Variants in PGGT1B observed in about 807,000 individuals in gnomAD.
PGGT1B encodes the protein geranylgeranyl transferase type-1 subunit beta.
Under a neutral mutation model 46.1 loss-of-function variants are expected in PGGT1B, and 30 were observed. The ratio of observed to expected loss-of-function variants is 0.65; its 90% CI spans 0.49 to 0.88. The LOEUF (loss-of-function observed/expected upper bound fraction) is 0.88. Ranked by LOEUF, PGGT1B falls within the 40% of genes least tolerant of loss-of-function variation. PGGT1B has a pLI of 0.00. For missense variants in PGGT1B, 376 were observed against 455.9 expected, an observed-to-expected ratio of 0.82 and a Z score of 1.60; for synonymous variants, 170 against 160.0, an observed-to-expected ratio of 1.06 and a Z score of -0.47.
intron 5 of PGGT1B, among the ~76,000 whole-genome samples, chr5:115,232,089 G>C (rs1021206454): frequency 3.9e-5 from 6 of 151,942 alleles, no homozygotes; most frequent in Non-Finnish European, 8.8e-5. Context: ...ACAGAAAGAG[G>C]GGCTTGGCCA....
chr5:115,235,742 T>A (rs1378309066), intron 5 of PGGT1B, among the ~76,000 whole-genome samples: 1 of 152,112 alleles, frequency 6.6e-6, no homozygotes, highest in East Asian at 1.9e-4. Flanking sequence ...AAAAATATGA[T>A]CCACTGTTAC....
chr5:115,213,537 G>A (rs1756309093), intron 8 of PGGT1B, among the ~76,000 whole-genome samples: 1 of 152,152 alleles, frequency 6.6e-6, no homozygotes, highest in East Asian at 1.9e-4. Flanking sequence ...TTGGGAGGCC[G>A]AGAAGGGCAT....
chr5:115,211,757 T>C lies in PGGT1B; in HGVS notation c.*645A>G, dbSNP rs1756236175. The C allele has an allele frequency of 6.6e-6, 1 of 152,214 alleles. No individual in the cohort carries two copies. Among genetic ancestry groups the C allele is most frequent in the African/African-American group, 2.4e-5 (1 of 41,452 alleles). 9.4% of individuals were successfully genotyped at this position (152,214 alleles called of 1,614,324 possible). A position where few individuals can be genotyped will look rare whatever the true frequency, so the allele number is the denominator to read the frequency against. On this transcript the variant is annotated 3_prime_UTR_variant, in exon 9 of 9. Transcript: ENST00000419445. ...TTAAGTTGCTTTTCCCTCAGTTACA[T>C]AATAGTTGTCTTCAAACAATCTCCT...
At chr5:115,243,584 G>A (rs1757416291) in intron 2 of PGGT1B, among the ~76,000 whole-genome samples, 1 of 152,194 alleles carries the variant, frequency 6.6e-6, no homozygotes, top group African/African-American at 2.4e-5. Context: ...ATTAGTCACT[G>A]TTGCCATAAC....
rs1022709745 is a variant in PGGT1B at position 115,206,418 on chromosome 5, A to ATAAT, written c.*5980_*5983dup. Reference sequence around the variant, plus strand: ...ATTTTTTAAAATTGTAAATATCTGAATAATTAAGCACCAGTAATCTCAATA... The same window carrying ATAAT: ...ATTTTTTAAAATTGTAAATATCTGAATAATTAATTAAGCACCAGTAATCTCAATA... On this transcript the variant is annotated 3_prime_UTR_variant, in exon 9 of 9. Coordinates refer to ENST00000419445, the MANE Select transcript of PGGT1B (RefSeq NM_005023.4). 2 of 152,042 alleles carry ATAAT rather than the reference A, an allele frequency of 1.3e-5. No homozygotes were observed. Among genetic ancestry groups the ATAAT allele is most frequent in the African/African-American group, 4.8e-5 (2 of 41,444 alleles). 9.4% of individuals were successfully genotyped at this position (152,042 alleles called of 1,614,324 possible).
intron 6 of PGGT1B, among the ~76,000 whole-genome samples, chr5:115,225,629 A>T (rs749912427): frequency 6.6e-6 from 1 of 151,912 alleles, no homozygotes; most frequent in African/African-American, 2.4e-5. Flanking sequence ...ATTAAACACC[A>T]TATTAAAAAG....
chr5:115,251,841 T>A (rs560080116), intron 2 of PGGT1B, among the ~76,000 whole-genome samples: 2 of 151,694 alleles, frequency 1.3e-5, no homozygotes, highest in Non-Finnish European at 2.9e-5. Context: ...TAAAAAAAAA[T>A]ACCAAGCACA....
chr5:115,240,312 T>C (rs971140353), intron 3 of PGGT1B, among the ~76,000 whole-genome samples: 20 of 152,120 alleles, frequency 1.3e-4, no homozygotes, highest in African/African-American at 4.6e-4. Flanking sequence ...GGGGGAAGGA[T>C]CATATTTTAA....
intron 8 of PGGT1B, among the ~76,000 whole-genome samples, chr5:115,214,388 A>G (rs1756345565): frequency 6.6e-6 from 1 of 152,194 alleles, no homozygotes; most frequent in South Asian, 2.1e-4. Flanking sequence ...AGCACTTTAG[A>G]TGTTGAAATA....
chr5:115,204,084 C>T lies in PGGT1B; in HGVS notation c.*8318G>A, dbSNP rs534566626. ...ACACACTAAAATCATATTAGTTTTTCGGGGGTAGGAGTAAAGATCACATTG... is the reference window on the plus strand; with the variant it reads ...ACACACTAAAATCATATTAGTTTTTTGGGGGTAGGAGTAAAGATCACATTG... On this transcript the variant is annotated 3_prime_UTR_variant, in exon 9 of 9. Transcript: ENST00000419445. The T allele has an allele frequency of 8.5e-5, 13 of 152,168 alleles. No homozygotes were observed. Among genetic ancestry groups the T allele is most frequent in the Admixed American group, 5.2e-4 (8 of 15,284 alleles). 9.4% of individuals were successfully genotyped at this position (152,168 alleles called of 1,614,324 possible). A position where few individuals can be genotyped will look rare whatever the true frequency, so the allele number is the denominator to read the frequency against.
chr5:115,260,661 G>C (rs999026681), intron 1 of PGGT1B, among the ~76,000 whole-genome samples: 45 of 152,120 alleles, frequency 3.0e-4, no homozygotes, highest in African/African-American at 1.1e-3. Flanking sequence ...CTTAAATGCG[G>C]TTAACTAGGC....
Position 115,208,587 on chromosome 5 carries a change from G to T in PGGT1B, c.*3815C>A, listed in dbSNP as rs1422151323. 3 of 151,792 alleles carry T rather than the reference G, an allele frequency of 2.0e-5. No individual in the cohort carries two copies. The highest frequency in any genetic ancestry group is 1.9e-4 in the East Asian group (1 of 5,190). 9.4% of individuals were successfully genotyped at this position (151,792 alleles called of 1,614,324 possible). On this transcript the variant is annotated 3_prime_UTR_variant, in exon 9 of 9. Coordinates refer to ENST00000419445, the MANE Select transcript of PGGT1B (RefSeq NM_005023.4). ...TTTCCCCCTTGTCATTTAAATTTTTGTATTTGTGCTTCCTCCTTTTTTTCT... is the reference window on the plus strand; with the variant it reads ...TTTCCCCCTTGTCATTTAAATTTTTTTATTTGTGCTTCCTCCTTTTTTTCT...
chr5:115,237,382 T>C (rs1356598005), intron 4 of PGGT1B, among the ~76,000 whole-genome samples: 2 of 152,186 alleles, frequency 1.3e-5, no homozygotes, highest in Admixed American at 6.5e-5. Flanking sequence ...AGACACACTA[T>C]GTGAATCACC....
intron 2 of PGGT1B, chr5:115,252,793 T>C (rs2127029120): frequency 6.1e-6 from 1 of 165,238 alleles, no homozygotes; most frequent in East Asian, 1.8e-4. Context: ...AGACAAGAAT[T>C]GTTGGGAATG....
chr5:115,249,751 G>C (rs1407803521), intron 2 of PGGT1B, among the ~76,000 whole-genome samples: 2 of 152,110 alleles, frequency 1.3e-5, no homozygotes, highest in African/African-American at 4.8e-5. Context: ...TCTTTGAAAA[G>C]AAATTTAAAA....
In PGGT1B at chr5:115,216,950, A is replaced by G; in HGVS notation, c.867T>C (p.Thr289=). 1.3e-6 allele frequency: 2 copies of G among 1,542,792 alleles called. No homozygotes were observed. Among genetic ancestry groups the G allele is most frequent in the Non-Finnish European group, 1.8e-6 (2 of 1,117,392 alleles). The change falls in exon 8 of 9, where the codon ACT becomes ACC. Residue 289 remains threonine (T), a synonymous_variant. Coordinates refer to ENST00000419445, the MANE Select transcript of PGGT1B (RefSeq NM_005023.4). ...TGTAATTTCTATTTTTCTCAAAGTT[A>G]GTGTATTGGAAAATTTTTAGAAGCT... ...TLKLLKIFQY[T]NFEKNRNYIL... is the part of the protein sequence containing the mutation.
chr5:115,253,157 T>G lies in PGGT1B; in HGVS notation c.239A>C (p.Gln80Pro), dbSNP rs1748175970. 1 of 1,606,122 alleles carries G rather than the reference T, an allele frequency of 6.2e-7. No individual in the cohort carries two copies. Among genetic ancestry groups the G allele is most frequent in the Non-Finnish European group, 8.5e-7 (1 of 1,176,960 alleles). Residue 80 changes from glutamine to proline, a missense_variant, in exon 2 of 9, where the codon CAG becomes CCG. Around this residue, in one of 2 missense-constraint regions of PGGT1B, gnomAD observed 154 missense variants for 142.3 expected, o/e 1.08. Coordinates refer to ENST00000419445, the MANE Select transcript of PGGT1B (RefSeq NM_005023.4). ...CTCACTGTCTTCTGTGGGAAGGACC[T>G]GCAGGGAATAAATCCACTCTATTAT... ...DDIIEWIYSL[Q>P]VLPTEDRSNL...
At chr5:115,236,002 T>C (rs2127009941) in intron 5 of PGGT1B, among the ~76,000 whole-genome samples, 2 of 152,254 alleles carry the variant, frequency 1.3e-5, no homozygotes, top group East Asian at 1.9e-4. Context: ...TCCTTACTAA[T>C]GCCAATAAAA....
At chr5:115,255,540 T>G (rs1166209967) in intron 1 of PGGT1B, among the ~76,000 whole-genome samples, 1 of 152,112 alleles carries the variant, frequency 6.6e-6, no homozygotes, top group African/African-American at 2.4e-5. Context: ...CAATTAAGCA[T>G]CTACTAATAC....
Sources: allele counts gnomAD v4.1 joint callset (sites outside exome capture counted in the v4.1 genomes callset), GRCh38; gene constraint gnomAD v4.1.1; regional missense constraint gnomAD v4.1.1; transcripts MANE v1.5; gene names NCBI Gene and HGNC (gene_info 2026-07-23, HGNC 2026-07-21).